Variants in LRRTM3 observed in about 807,000 individuals in gnomAD.
The protein encoded by LRRTM3 is leucine-rich repeat transmembrane neuronal protein 3.
LRRTM3 carries 24 observed loss-of-function variants against 44.7 expected under a neutral mutation model. That is an observed-to-expected ratio of 0.54 (90% CI 0.39 to 0.76). LRRTM3 has a LOEUF of 0.76. Ranked by LOEUF, LRRTM3 falls within the 30% of genes least tolerant of loss-of-function variation. The pLI is 0.00. For synonymous variants in LRRTM3, 277 were observed against 278.7 expected, an observed-to-expected ratio of 0.99 and a Z score of 0.06; for missense variants, 587 against 702.2, an observed-to-expected ratio of 0.84 and a Z score of 1.85.
At chr10:67,091,378 A>C (rs1032924006) in intron 2 of LRRTM3, among the ~76,000 whole-genome samples, 2 of 151,974 alleles carry the variant, frequency 1.3e-5, no homozygotes, top group African/African-American at 4.8e-5. Context: ...GTATATATTT[A>C]AGGAATATAT....
intron 2 of LRRTM3, among the ~76,000 whole-genome samples, chr10:66,977,375 G>A (rs901019755): frequency 5.3e-5 from 8 of 151,730 alleles, no homozygotes; most frequent in African/African-American, 1.7e-4. Flanking sequence ...AGCAGAGGTT[G>A]CAGTGAGCCA....
intron 2 of LRRTM3, among the ~76,000 whole-genome samples, chr10:67,097,323 T>C (rs1259073251): frequency 6.6e-6 from 1 of 151,948 alleles, no homozygotes; most frequent in Non-Finnish European, 1.5e-5. Context: ...AAATCTTTTA[T>C]CATTTTCAGA....
intron 2 of LRRTM3, among the ~76,000 whole-genome samples, chr10:66,980,301 A>G (rs1850342070): frequency 6.6e-6 from 1 of 152,138 alleles, no homozygotes; most frequent in African/African-American, 2.4e-5. Context: ...CAAGTCAACA[A>G]AGATAATTCT....
At chr10:66,974,628 T>C (rs981072194) in intron 2 of LRRTM3, among the ~76,000 whole-genome samples, 1 of 152,236 alleles carries the variant, frequency 6.6e-6, no homozygotes, top group Non-Finnish European at 1.5e-5. Context: ...CCATCAGTAA[T>C]GTATAAGAGT....
At position 67,049,138 on chromosome 10, in the gene LRRTM3, T is replaced by C. The variant is rs180975743; in HGVS notation, c.1537-48449T>C. On this transcript the variant is annotated intron_variant, in intron 2 of 2. Transcript: ENST00000361320. ...AGATCAGTAATTATTCCATGCAGGA[T>C]AATGTTAGTATACTAAGTGAGACAG... 2.6e-5 allele frequency among the ~76,000 whole-genome samples: 4 copies of C among 151,962 alleles called. No homozygotes were observed. The East Asian group carries it at 7.7e-4, about 29-fold the overall frequency.
intron 2 of LRRTM3, among the ~76,000 whole-genome samples, chr10:66,983,211 C>T (rs1055646418): frequency 6.6e-6 from 1 of 152,166 alleles, no homozygotes; most frequent in African/African-American, 2.4e-5. Flanking sequence ...GGCAGAAAGA[C>T]AAATGGAGGC....
chr10:67,079,703 C>T (rs1041229010), intron 2 of LRRTM3, among the ~76,000 whole-genome samples: 3 of 151,942 alleles, frequency 2.0e-5, no homozygotes, highest in Non-Finnish European at 4.4e-5. Context: ...CAAAAACTAG[C>T]CAGGCGTGGT....
rs967162602 is a variant in LRRTM3, at chr10:67,085,356, A to G, written c.1537-12231A>G. On this transcript the variant is annotated intron_variant, in intron 2 of 2. Transcript: ENST00000361320. ...ATCCTATGAAATAAAGTAAGAAAAA[A>G]TGAACCCTAATTTGTAAATGCTAGA... Among the ~76,000 whole-genome samples the G allele has an allele frequency of 2.0e-5, 3 of 152,002 alleles. No individual in the cohort carries two copies. The East Asian group carries it at 5.8e-4, about 29-fold the overall frequency.
chr10:67,054,106 A>C (rs1486090821), intron 2 of LRRTM3, among the ~76,000 whole-genome samples: 1 of 152,192 alleles, frequency 6.6e-6, no homozygotes, highest in East Asian at 1.9e-4. Context: ...CTTAGTATCC[A>C]TCGCTCCTTT....
At chr10:67,049,133 C>G (rs1020939747) in intron 2 of LRRTM3, among the ~76,000 whole-genome samples, 2 of 151,316 alleles carry the variant, frequency 1.3e-5, no homozygotes, top group Non-Finnish European at 2.9e-5. Context: ...TTATTCCATG[C>G]AGGATAATGT....
chr10:67,078,081 CCA>C (rs1390633019), intron 2 of LRRTM3, among the ~76,000 whole-genome samples: 4 of 152,148 alleles, frequency 2.6e-5, no homozygotes, highest in Non-Finnish European at 5.9e-5. Context: ...CAAGTCAATC[CCA>C]GTTACCCAAA....
rs1847081856 is a variant in LRRTM3, at chr10:66,926,502, G to C, written c.-82G>C. On this transcript the variant is annotated 5_prime_UTR_variant, in exon 1 of 3. Transcript: ENST00000361320. The stretch of plus-strand genomic sequence containing the variant: ...TGTCAGCGAGCCCTGACTCACTACA[G>C]TGCAGCTGACAGGGGCTGTCATGCA... The C allele has an allele frequency of 6.5e-7, 1 of 1,544,020 alleles. No homozygotes were observed.
chr10:67,005,356 T>A (rs530712420), intron 2 of LRRTM3, among the ~76,000 whole-genome samples: 16 of 152,130 alleles, frequency 1.1e-4, no homozygotes, highest in Non-Finnish European at 1.9e-4. Flanking sequence ...ATACACTTTA[T>A]CTAAATCACT....
At chr10:66,989,447 T>C (rs111506429) in intron 2 of LRRTM3, among the ~76,000 whole-genome samples, 3 of 152,340 alleles carry the variant, frequency 2.0e-5, no homozygotes, top group African/African-American at 7.2e-5. Context: ...AATAGCTGAA[T>C]TCATTTTTAT....
intron 2 of LRRTM3, among the ~76,000 whole-genome samples, chr10:66,933,098 T>C (rs1321405910): frequency 6.6e-6 from 1 of 152,206 alleles, no homozygotes; most frequent in Non-Finnish European, 1.5e-5. Flanking sequence ...ACCTCTTCTT[T>C]TCAAAAAGCC....
chr10:67,029,340 T>C (rs1319964775), intron 2 of LRRTM3, among the ~76,000 whole-genome samples: 1 of 152,086 alleles, frequency 6.6e-6, no homozygotes, highest in Non-Finnish European at 1.5e-5. Context: ...TGTAAGCAAA[T>C]AGGGTCATGG....
chr10:67,013,946 A>G (rs1852492428), intron 2 of LRRTM3, among the ~76,000 whole-genome samples: 1 of 152,138 alleles, frequency 6.6e-6, no homozygotes, highest in African/African-American at 2.4e-5. Flanking sequence ...CAAGGTCTAA[A>G]AACCCACTAA....
chr10:67,046,266 C>T (rs1303808317), intron 2 of LRRTM3, among the ~76,000 whole-genome samples: 2 of 152,140 alleles, frequency 1.3e-5, no homozygotes, highest in African/African-American at 2.4e-5. Flanking sequence ...CCTTAATTTA[C>T]CTTATGTTTA....
chr10:67,084,808 A>T (rs1028347801), intron 2 of LRRTM3, among the ~76,000 whole-genome samples: 8 of 151,998 alleles, frequency 5.3e-5, no homozygotes, highest in Non-Finnish European at 8.8e-5. Flanking sequence ...TTTATAAATT[A>T]AGGTTCATCC....
Sources: gnomAD v4.1 joint callset for allele counts (sites outside exome capture counted in the v4.1 genomes callset) on GRCh38, gnomAD v4.1.1 for gene constraint, MANE v1.5 for transcripts, NCBI Gene and HGNC (gene_info 2026-07-23, HGNC 2026-07-21) for gene names.